The following HMCN1 variants were observed in gnomAD, a reference collection of about 807,000 sequenced individuals.
HMCN1 encodes hemicentin 1.
Under a neutral mutation model 625.9 loss-of-function variants are expected in HMCN1, and 321 were observed. The ratio of observed to expected loss-of-function variants is 0.51; its 90% CI spans 0.47 to 0.56. The LOEUF is 0.56. Among genes scored for constraint, HMCN1 ranks in the 20% least tolerant of loss-of-function variants. HMCN1 has a pLI of 0.00. For synonymous variants in HMCN1, 2,425 were observed against 2,417.6 expected, an observed-to-expected ratio of 1.00 and a Z score of -0.09; for missense variants, 6,588 against 6,887.3, an observed-to-expected ratio of 0.96 and a Z score of 1.54.
At chr1:185,912,044 T>C (rs1363008530) in intron 6 of HMCN1, among the ~76,000 whole-genome samples, 1 of 152,198 alleles carries the variant, frequency 6.6e-6, no homozygotes, top group Non-Finnish European at 1.5e-5. Flanking sequence ...TGTAGATTTA[T>C]TTTATTATCT....
chr1:185,972,160 T>A (rs1371876325), intron 15 of HMCN1, among the ~76,000 whole-genome samples: 2 of 152,226 alleles, frequency 1.3e-5, no homozygotes, highest in Admixed American at 1.3e-4. Flanking sequence ...TACTCAACAT[T>A]CTTTTAGACT....
At chr1:186,088,495 CT>C (rs145112330) in intron 62 of HMCN1, 110 bp from the exon 63 acceptor site, 1 of 1,394,344 alleles carries the variant, frequency 7.2e-7, no homozygotes, top group Non-Finnish European at 9.7e-7. Context: ...AAATGGAGAA[CT>C]TTTAAGAAAT....
chr1:186,145,552 T>C lies in HMCN1; in HGVS notation c.14416T>C (p.Cys4806Arg). ...GGGACCAGACTCCCAGATCCAGAGG[T>C]GCAACACTGACATGTGTCCTGGTGA... ...CGGPDSQIQR[C>R]NTDMCPVDGS... is the part of the protein sequence containing the mutation. Residue 4806 changes from cysteine to arginine, a missense_variant, in exon 92 of 107, where the codon TGC becomes CGC. Transcript: ENST00000271588. 1 of 1,614,048 alleles carries C rather than the reference T, an allele frequency of 6.2e-7. No individual in the cohort carries two copies. Among genetic ancestry groups the C allele is most frequent in the Non-Finnish European group, 8.5e-7 (1 of 1,179,978 alleles).
intron 68 of HMCN1, among the ~76,000 whole-genome samples, chr1:186,100,827 C>G (rs1660350458): frequency 6.6e-6 from 1 of 152,052 alleles, no homozygotes; most frequent in Non-Finnish European, 1.5e-5. Context: ...TTCTTTTGAA[C>G]CTTTACAACA....
intron 4 of HMCN1, among the ~76,000 whole-genome samples, 178 bp downstream of exon 4, chr1:185,866,041 T>C (rs1663171054): frequency 6.6e-6 from 1 of 152,196 alleles, no homozygotes; most frequent in Non-Finnish European, 1.5e-5. Flanking sequence ...ATTTATTTAA[T>C]GTTAATTTTT....
chr1:185,902,405 C>CTCTA (rs57523158), intron 4 of HMCN1, among the ~76,000 whole-genome samples: 11,796 of 145,366 alleles, frequency 0.081, 557 homozygotes, highest in East Asian at 0.12. Flanking sequence ...ATCTATCTAT[C>CTCTA]TCTATCTATC....
chr1:186,131,110 G>A (rs1289225004), intron 85 of HMCN1, among the ~76,000 whole-genome samples: 2 of 151,862 alleles, frequency 1.3e-5, no homozygotes, highest in East Asian at 3.9e-4. Context: ...CTAGTTTTGG[G>A]GTCAAATTAC....
chr1:186,116,830 T>C (rs986658831), intron 75 of HMCN1, among the ~76,000 whole-genome samples, 164 bp from the exon 76 acceptor site: 6 of 152,162 alleles, frequency 3.9e-5, no homozygotes, highest in Admixed American at 3.3e-4. Context: ...CATACAAACA[T>C]AAACTCTAAT....
Position 186,137,781 on chromosome 1 carries a change from T to C in HMCN1, c.13754-21T>C, listed in dbSNP as rs751848794. On this transcript the variant is annotated intron_variant, in intron 88 of 106. Coordinates refer to ENST00000271588, the MANE Select transcript of HMCN1 (RefSeq NM_031935.3). Reference sequence around the variant, plus strand: ...CCCAATTGAAATATACCTGATGGTGTAATGGTTCACCTTTGTATAGTGGAT... The same window carrying C: ...CCCAATTGAAATATACCTGATGGTGCAATGGTTCACCTTTGTATAGTGGAT... The C allele has an allele frequency of 6.2e-6, 10 of 1,613,994 alleles. No individual in the cohort carries two copies. The African/African-American group carries it at 1.3e-4, about 22-fold the overall frequency.
chr1:185,736,904 G>A (rs188561377), intron 1 of HMCN1, among the ~76,000 whole-genome samples: 1 of 152,280 alleles, frequency 6.6e-6, no homozygotes, highest in East Asian at 1.9e-4. Context: ...TTAATTGTGT[G>A]TATAATTCAA....
At chr1:186,131,022 C>A (rs1661907329) in intron 85 of HMCN1, among the ~76,000 whole-genome samples, 2 of 152,096 alleles carry the variant, frequency 1.3e-5, no homozygotes, top group Admixed American at 1.3e-4. Flanking sequence ...GAGTAGATTT[C>A]ATAGTAAGCT....
At chr1:185,995,127 G>A (rs1202842744) in intron 24 of HMCN1, 40 bp downstream of exon 24, 26 of 1,588,400 alleles carry the variant, frequency 1.6e-5, no homozygotes, top group Non-Finnish European at 2.1e-5. Flanking sequence ...TGTAGGGTGG[G>A]GAGTGAGAGA....
chr1:186,124,615 T>C (rs986192647), intron 81 of HMCN1, among the ~76,000 whole-genome samples: 5 of 152,072 alleles, frequency 3.3e-5, no homozygotes, highest in African/African-American at 1.2e-4. Flanking sequence ...TAATTATTTA[T>C]ATAATGTTTG....
intron 11 of HMCN1, among the ~76,000 whole-genome samples, chr1:185,945,013 A>G (rs1038043805): frequency 6.6e-6 from 1 of 152,208 alleles, no homozygotes; most frequent in Non-Finnish European, 1.5e-5. Flanking sequence ...AATAAATTAT[A>G]TTACTAAAGA....
chr1:185,861,577 T>C (rs931459717), intron 2 of HMCN1, among the ~76,000 whole-genome samples: 1 of 152,214 alleles, frequency 6.6e-6, no homozygotes, highest in Non-Finnish European at 1.5e-5. Context: ...TTATACAAAA[T>C]TGGCTGCAAG....
intron 2 of HMCN1, among the ~76,000 whole-genome samples, chr1:185,860,592 G>A (rs564877206): frequency 6.6e-6 from 1 of 152,236 alleles, no homozygotes; most frequent in South Asian, 2.1e-4. Context: ...CAACAGGCAT[G>A]CGCTACCATG....
At chr1:185,992,172 G>A (rs1256284505) in intron 22 of HMCN1, among the ~76,000 whole-genome samples, 2 of 151,920 alleles carry the variant, frequency 1.3e-5, no homozygotes, top group Admixed American at 6.6e-5. Context: ...ATAATCTTTT[G>A]TCTTTTATAT....
chr1:185,994,883 T>C lies in HMCN1; in HGVS notation c.3574T>C (p.Cys1192Arg). 1 of 1,613,740 alleles carries C rather than the reference T, an allele frequency of 6.2e-7. No homozygotes were observed. The highest frequency in any genetic ancestry group is 8.5e-7 in the Non-Finnish European group (1 of 1,179,744). Residue 1192 changes from cysteine (C) to arginine (R), a missense_variant, in exon 24 of 107, where the codon TGT becomes CGT. By Grantham distance (180) the Cys-to-Arg change is radical. Coordinates refer to ENST00000271588, the MANE Select transcript of HMCN1 (RefSeq NM_031935.3). The stretch of plus-strand genomic sequence containing the variant: ...AGTTGGTCAAAGAGTGGATATTCCA[T>C]GTAATGCTCAAGGGACTCCTCTTCC... ...VQVGQRVDIP[C>R]NAQGTPLPVI...
intron 14 of HMCN1, among the ~76,000 whole-genome samples, chr1:185,967,807 A>G (rs1650526507): frequency 6.6e-6 from 1 of 152,184 alleles, no homozygotes. Flanking sequence ...TGCCTTCACC[A>G]TAAGAATATC....
Sources: gnomAD v4.1 joint callset for allele counts (sites outside exome capture counted in the v4.1 genomes callset) on GRCh38, gnomAD v4.1.1 for gene constraint, MANE v1.5 for transcripts, NCBI Gene and HGNC (gene_info 2026-07-23, HGNC 2026-07-21) for gene names.